ZFAND6: variants seen among roughly 807,000 people sequenced by gnomAD.
The protein encoded by ZFAND6 is zinc finger AN1-type containing 6.
A neutral mutation model predicts 24.5 loss-of-function variants in ZFAND6; 12 were observed. That is an observed-to-expected ratio of 0.49 (90% CI 0.31 to 0.79). ZFAND6 has a LOEUF of 0.79. Among genes scored for constraint, ZFAND6 ranks in the 30% least tolerant of loss-of-function variants. The pLI, the probability that ZFAND6 is intolerant of heterozygous loss-of-function variation, is 0.04. For synonymous variants in ZFAND6, 92 were observed against 81.5 expected (o/e 1.13, Z -0.69); for missense variants, 207 against 245.9 (o/e 0.84, Z 1.06).
intron 1 of ZFAND6, among the ~76,000 whole-genome samples, chr15:80,076,797 T>A (rs1567054800): frequency 6.6e-6 from 1 of 152,246 alleles, no homozygotes; most frequent in South Asian, 2.1e-4. Context: ...CTTTTTTCCC[T>A]CACATCATTC....
At chr15:80,130,931 C>G (rs1287723808) in intron 5 of ZFAND6, 2 of 380,108 alleles carry the variant, frequency 5.3e-6, no homozygotes, top group East Asian at 3.8e-5. Context: ...ACAGTTAAAA[C>G]CTAAAGAAAG....
chr15:80,063,875 A>G (rs917615389), intron 1 of ZFAND6, among the ~76,000 whole-genome samples: 5 of 151,972 alleles, frequency 3.3e-5, no homozygotes, highest in African/African-American at 1.2e-4. Flanking sequence ...TTTAGTAGAG[A>G]CCGCGTTTCA....
At chr15:80,084,402 A>C (rs1447172955) in intron 1 of ZFAND6, among the ~76,000 whole-genome samples, 1 of 152,234 alleles carries the variant, frequency 6.6e-6, no homozygotes, top group Non-Finnish European at 1.5e-5. Flanking sequence ...AAAATACAAA[A>C]AAATTTGAAA....
intron 2 of ZFAND6, among the ~76,000 whole-genome samples, chr15:80,113,760 T>G (rs899036181): frequency 7.9e-6 from 1 of 127,138 alleles, no homozygotes; most frequent in African/African-American, 3.0e-5. Context: ...AAGAAGAAAC[T>G]TAGAGTTTAG....
chr15:80,059,179 C>T (rs189687790), upstream of ZFAND6, among the ~76,000 whole-genome samples: 3 of 152,362 alleles, frequency 2.0e-5, no homozygotes, highest in Middle Eastern at 3.4e-3. Context: ...GACTGAGGCG[C>T]CGGCCTGCAT....
At chr15:80,128,821 G>T (rs2142042668) in intron 5 of ZFAND6, among the ~76,000 whole-genome samples, 1 of 152,302 alleles carries the variant, frequency 6.6e-6, no homozygotes, top group South Asian at 2.1e-4. Flanking sequence ...GGGCTTTAGG[G>T]TTAATACTGT....
chr15:80,069,381 T>C (rs2036843521), intron 1 of ZFAND6, among the ~76,000 whole-genome samples: 1 of 152,188 alleles, frequency 6.6e-6, no homozygotes, highest in Non-Finnish European at 1.5e-5. Flanking sequence ...AACAAAGCAA[T>C]GTACTGTTTT....
chr15:80,065,417 A>G (rs2036566747), intron 1 of ZFAND6, among the ~76,000 whole-genome samples: 1 of 151,736 alleles, frequency 6.6e-6, no homozygotes, highest in African/African-American at 2.4e-5. Flanking sequence ...CATTTTGTAA[A>G]CAAGTGTGTT....
intron 5 of ZFAND6, among the ~76,000 whole-genome samples, chr15:80,125,870 A>G (rs2040350250): frequency 6.6e-6 from 1 of 152,162 alleles, no homozygotes; most frequent in Non-Finnish European, 1.5e-5. Context: ...CATTACTCTT[A>G]AAAGAGAATA....
At chr15:80,069,423 G>A (rs1002870463) in intron 1 of ZFAND6, among the ~76,000 whole-genome samples, 1 of 151,858 alleles carries the variant, frequency 6.6e-6, no homozygotes, top group Non-Finnish European at 1.5e-5. Context: ...CTATCGGCTT[G>A]GTTTATGCTT....
chr15:80,118,366 C>T (rs1310123212), intron 2 of ZFAND6, among the ~76,000 whole-genome samples: 1 of 152,014 alleles, frequency 6.6e-6, no homozygotes, highest in Non-Finnish European at 1.5e-5. Context: ...TCGTGAGCCA[C>T]CGTGCCCGGC....
chr15:80,105,439 C>T (rs2039270680), intron 2 of ZFAND6, among the ~76,000 whole-genome samples: 1 of 152,090 alleles, frequency 6.6e-6, no homozygotes, highest in African/African-American at 2.4e-5. Context: ...ACTGCAGCTA[C>T]TATTAAATAG....
At chr15:80,077,824 C>T (rs141975873) in intron 1 of ZFAND6, among the ~76,000 whole-genome samples, 1,594 of 151,490 alleles carry the variant, frequency 0.011, 35 homozygotes, top group African/African-American at 0.034. Context: ...CTCAGCCTCC[C>T]AAGGAGCTGG....
rs369343770 is a variant in ZFAND6, at chr15:80,125,162, T to C, written c.364+2362T>C. On this transcript the variant is annotated intron_variant, in intron 5 of 6. Coordinates refer to ENST00000261749, the MANE Select transcript of ZFAND6 (RefSeq NM_019006.4). Reference sequence around the variant, plus strand: ...AACTGGAATCCAGGGACCTAACTCATAGAGGCCAGTATTCTTATGATTAGA... The same window carrying C: ...AACTGGAATCCAGGGACCTAACTCACAGAGGCCAGTATTCTTATGATTAGA... 3.3e-5 allele frequency among the ~76,000 whole-genome samples: 5 copies of C among 152,320 alleles called. No individual in the cohort carries two copies. In the South Asian group the frequency reaches 8.3e-4, roughly 25 times the overall value.
chr15:80,081,049 G>T (rs554042843), intron 1 of ZFAND6, among the ~76,000 whole-genome samples: 1 of 152,318 alleles, frequency 6.6e-6, no homozygotes, highest in East Asian at 1.9e-4. Context: ...GTTGATAAGG[G>T]TGGACTACTG....
intron 2 of ZFAND6, among the ~76,000 whole-genome samples, chr15:80,105,987 T>C (rs2039303521): frequency 6.6e-6 from 1 of 152,116 alleles, no homozygotes; most frequent in Non-Finnish European, 1.5e-5. Flanking sequence ...AATTTTGGAG[T>C]TAGATGTGAT....
chr15:80,092,629 C>T (rs530744931), intron 1 of ZFAND6, among the ~76,000 whole-genome samples: 1 of 152,228 alleles, frequency 6.6e-6, no homozygotes, highest in African/African-American at 2.4e-5. Context: ...TAGTGTCTTA[C>T]ATTTTGTATC....
At chr15:80,136,424 C>G (rs1334422494) in intron 6 of ZFAND6, among the ~76,000 whole-genome samples, 1 of 151,734 alleles carries the variant, frequency 6.6e-6, no homozygotes, top group East Asian at 1.9e-4. Flanking sequence ...GAGATCATGC[C>G]ACTGCACTGC....
intron 2 of ZFAND6, among the ~76,000 whole-genome samples, chr15:80,099,199 TCCTTTAAGGTGTTAAAGTTAACA>T (rs773554248): frequency 8.5e-4 from 130 of 152,282 alleles, no homozygotes; most frequent in Non-Finnish European, 1.5e-3. Flanking sequence ...TCCTTTTCTT[TCCTTTAAGGTGTTAAAGTTAACA>T]CCTTAAGAAT....
Sources: gnomAD v4.1 joint callset for allele counts (sites outside exome capture counted in the v4.1 genomes callset) on GRCh38, gnomAD v4.1.1 for gene constraint, MANE v1.5 for transcripts, NCBI Gene and HGNC (gene_info 2026-07-23, HGNC 2026-07-21) for gene names.